The following IQCJ variants were observed in gnomAD, a reference collection of about 807,000 sequenced individuals.
IQCJ encodes the protein IQ motif containing J.
A neutral mutation model predicts 11.0 loss-of-function variants in IQCJ; 9 were observed. The observed-to-expected ratio is 0.82, with a 90% CI of 0.49 to 1.43. The LOEUF is 1.43. Ranked by LOEUF, IQCJ falls within the 40% of genes most tolerant of loss-of-function variation. The pLI, the probability that IQCJ is intolerant of heterozygous loss-of-function variation, is 0.00. For synonymous variants in IQCJ, 55 were observed against 51.3 expected, an observed-to-expected ratio of 1.07 and a Z score of -0.31; for missense variants, 146 against 133.2, an observed-to-expected ratio of 1.10 and a Z score of -0.47.
At chr3:159,227,848 C>A (rs1725951336) in intron 1 of IQCJ, among the ~76,000 whole-genome samples, 1 of 152,210 alleles carries the variant, frequency 6.6e-6, no homozygotes, top group Non-Finnish European at 1.5e-5. Flanking sequence ...ATGCAATCCT[C>A]AATTTTAAGA....
At chr3:159,074,194 T>G (rs1260729770) in intron 1 of IQCJ, among the ~76,000 whole-genome samples, 1 of 152,088 alleles carries the variant, frequency 6.6e-6, no homozygotes. Flanking sequence ...GAGGCTGTGA[T>G]GTGGAGGCTC....
intron 1 of IQCJ, among the ~76,000 whole-genome samples, chr3:159,224,631 T>C (rs571893534): frequency 6.6e-6 from 1 of 152,306 alleles, no homozygotes; most frequent in Non-Finnish European, 1.5e-5. Flanking sequence ...CACTATGAAC[T>C]TCCTGATGGA....
Position 159,257,550 on chromosome 3 carries a change from A to G in IQCJ, c.155+4743A>G, listed in dbSNP as rs145874149. Among the ~76,000 whole-genome samples, 1,464 of 152,242 alleles carry G rather than the reference A, an allele frequency of 9.6e-3. 7 individuals carry two copies. The highest frequency in any genetic ancestry group is 0.013 in the Non-Finnish European group (861 of 68,014). On this transcript the variant is annotated intron_variant, in intron 3 of 3. Coordinates refer to ENST00000397832, the MANE Select transcript of IQCJ (RefSeq NM_001042706.3). ...TGTGGCAGTGAAGTCGAGAGCTACA[A>G]ACCGGGCGGATACTGGAGTGGAGGG...
intron 1 of IQCJ, among the ~76,000 whole-genome samples, chr3:159,183,235 T>C (rs1292977534): frequency 6.6e-6 from 1 of 152,218 alleles, no homozygotes; most frequent in Admixed American, 6.5e-5. Context: ...TTCTATTGCA[T>C]ATGTCTCATT....
rs571548415 is a variant in IQCJ, at chr3:159,254,155, A to T, written c.155+1348A>T. On this transcript the variant is annotated intron_variant, in intron 3 of 3. Coordinates refer to ENST00000397832, the MANE Select transcript of IQCJ (RefSeq NM_001042706.3). ...TTTATCATTAGGAATTTTCTCATTA[A>T]GATAAGGTCCTGTTAAATGAAAATG... Among the ~76,000 whole-genome samples, 11 of 152,356 alleles carry T rather than the reference A, an allele frequency of 7.2e-5. No homozygotes were observed. The South Asian group carries it at 2.1e-3, about 29-fold the overall frequency.
chr3:159,094,422 C>CTTTTTTTTTTTTTTTTT (rs71302258), intron 1 of IQCJ, among the ~76,000 whole-genome samples: 1 of 71,714 alleles, frequency 1.4e-5, no homozygotes, highest in African/African-American at 6.0e-5. Flanking sequence ...ACAGGATCTG[C>CTTTTTTTTTTTTTTTTT]TTTTTTTTTT....
At chr3:159,179,968 TG>T (rs61175340) in intron 1 of IQCJ, among the ~76,000 whole-genome samples, 49,194 of 151,986 alleles carry the variant, frequency 0.32, 8,161 homozygotes, top group Middle Eastern at 0.4. Flanking sequence ...TAGCAGTTCA[TG>T]GCAGGTGAAA....
intron 1 of IQCJ, among the ~76,000 whole-genome samples, chr3:159,229,365 C>T (rs1726054845): frequency 6.6e-6 from 1 of 152,134 alleles, no homozygotes; most frequent in Non-Finnish European, 1.5e-5. Flanking sequence ...CTTCTTTGAT[C>T]TCATTCTGTC....
chr3:159,182,243 A>G (rs1487184396), intron 1 of IQCJ, among the ~76,000 whole-genome samples: 3 of 151,780 alleles, frequency 2.0e-5, no homozygotes, highest in African/African-American at 7.3e-5. Context: ...CTATACCCCC[A>G]ATGACAGCTG....
At chr3:159,109,931 C>T (rs73877506) in intron 1 of IQCJ, among the ~76,000 whole-genome samples, 2,574 of 152,182 alleles carry the variant, frequency 0.017, 68 homozygotes, top group African/African-American at 0.06. Context: ...GTGTGGTTTG[C>T]GTATGGAGCA....
At chr3:159,159,841 GTC>G (rs1377647994) in intron 1 of IQCJ, among the ~76,000 whole-genome samples, 1 of 151,668 alleles carries the variant, frequency 6.6e-6, no homozygotes. Flanking sequence ...CTCTCTTTCT[GTC>G]TCTCTCTCAT....
At chr3:159,186,609 C>A (rs1392343518) in intron 1 of IQCJ, among the ~76,000 whole-genome samples, 2 of 152,208 alleles carry the variant, frequency 1.3e-5, no homozygotes, top group African/African-American at 4.8e-5. Context: ...ACAGCCATTA[C>A]TTTTGAGCAG....
At chr3:159,264,461 A>G (rs1728390266), downstream of IQCJ, among the ~76,000 whole-genome samples, 1 of 152,164 alleles carries the variant, frequency 6.6e-6, no homozygotes, top group African/African-American at 2.4e-5. Context: ...TTAGTAGAAG[A>G]TATTTCCTCC....
intron 1 of IQCJ, among the ~76,000 whole-genome samples, chr3:159,133,460 C>G (rs1720109867): frequency 6.6e-6 from 1 of 152,126 alleles, no homozygotes; most frequent in South Asian, 2.1e-4. Flanking sequence ...AGTTTTTGAG[C>G]CAACTAATTT....
Position 159,207,345 on chromosome 3 carries a change from GA to G in IQCJ, c.10-38493del, listed in dbSNP as rs528660363. Among the ~76,000 whole-genome samples, 166 of 152,246 alleles carry G rather than the reference GA, an allele frequency of 1.1e-3. 1 individual carries two copies. Among genetic ancestry groups the G allele is most frequent in the Middle Eastern group, 3.4e-3 (1 of 294 alleles). On this transcript the variant is annotated intron_variant, in intron 1 of 3. Coordinates refer to ENST00000397832, the MANE Select transcript of IQCJ (RefSeq NM_001042706.3). ...ACAGCATTCAACTGTATATAGTCAT[GA>G]AAAACTGTAGAAAAAGGCTTTATTG...
At chr3:159,147,404 A>G (rs545105545) in intron 1 of IQCJ, among the ~76,000 whole-genome samples, 19 of 152,348 alleles carry the variant, frequency 1.2e-4, no homozygotes, top group African/African-American at 4.3e-4. Flanking sequence ...CTATCATGAA[A>G]CAGAATAATA....
intron 1 of IQCJ, among the ~76,000 whole-genome samples, chr3:159,081,326 G>A (rs1716295177): frequency 6.6e-6 from 1 of 152,010 alleles, no homozygotes; most frequent in Admixed American, 6.6e-5. Context: ...TGTGCCATAG[G>A]CCCCTTCCTA....
chr3:159,249,328 C>T (rs922188719), intron 2 of IQCJ, among the ~76,000 whole-genome samples: 1 of 152,196 alleles, frequency 6.6e-6, no homozygotes, highest in African/African-American at 2.4e-5. Context: ...CCACCCTACT[C>T]TTTCTGCTTT....
intron 1 of IQCJ, among the ~76,000 whole-genome samples, chr3:159,245,220 A>G (rs1466221444): frequency 6.6e-6 from 1 of 152,192 alleles, no homozygotes; most frequent in Admixed American, 6.5e-5. Context: ...TGCAGCATGC[A>G]GTCATTAGAG....
Sources: gnomAD v4.1 joint callset for allele counts (sites outside exome capture counted in the v4.1 genomes callset) on GRCh38, gnomAD v4.1.1 for gene constraint, MANE v1.5 for transcripts, NCBI Gene and HGNC (gene_info 2026-07-23, HGNC 2026-07-21) for gene names.